ZFP62: variants seen among roughly 807,000 people sequenced by gnomAD.
ZFP62 encodes ZFP62 zinc finger protein.
ZFP62 carries 44 observed loss-of-function variants against 56.4 expected under a neutral mutation model. That is an observed-to-expected ratio of 0.78 (90% CI 0.61 to 1.00). The LOEUF (loss-of-function observed/expected upper bound fraction) is 1.00. Ranked by LOEUF, ZFP62 falls within the 50% of genes least tolerant of loss-of-function variation. The pLI, the probability that ZFP62 is intolerant of heterozygous loss-of-function variation, is 0.00. For missense variants in ZFP62, 1,030 were observed against 1,085.7 expected, an observed-to-expected ratio of 0.95 and a Z score of 0.72; for synonymous variants, 421 against 388.9, an observed-to-expected ratio of 1.08 and a Z score of -0.97.
At chr5:180,844,788 C>T (rs905330705), downstream of ZFP62, among the ~76,000 whole-genome samples, 5 of 152,168 alleles carry the variant, frequency 3.3e-5, no homozygotes, top group Non-Finnish European at 7.4e-5. Context: ...TGTTTCTTCT[C>T]AAGTTTTGTC....
Position 180,849,501 on chromosome 5 carries a change from C to A in ZFP62, c.1994G>T (p.Arg665Ile). The change falls in exon 2 of 2, where the codon AGA becomes ATA. Residue 665 changes from arginine to isoleucine, a missense_variant. Transcript: ENST00000502412. ...RNNSSLKVHK[R>I]IHTGERPYEC... ...ATAGGGCCTCTCCCCAGTATGGATT[C>A]TTTTATGAACTTTAAGGCTTGAGTT... 6.4e-7 allele frequency: 1 copy of A among 1,552,160 alleles called. No homozygotes were observed. Among genetic ancestry groups the A allele is most frequent in the East Asian group, 2.4e-5 (1 of 40,914 alleles).
At chr5:180,853,386 C>T (rs942669593) in intron 1 of ZFP62, among the ~76,000 whole-genome samples, 2 of 152,152 alleles carry the variant, frequency 1.3e-5, no homozygotes, top group African/African-American at 4.8e-5. Flanking sequence ...CTCTTTATAG[C>T]AACGATAAAC....
intron 1 of ZFP62, 85 bp from the exon 2 acceptor site, chr5:180,851,578 C>T: frequency 7.2e-7 from 1 of 1,384,972 alleles, no homozygotes; most frequent in Non-Finnish European, 9.6e-7. Flanking sequence ...ACAACATTCA[C>T]TTGACAAACA....
the ZFP62 span, among the ~76,000 whole-genome samples, chr5:180,840,985 A>AGGTTTT: frequency 6.6e-6 from 1 of 152,108 alleles, no homozygotes; most frequent in Admixed American, 6.5e-5. Flanking sequence ...GAACTCCATG[A>AGGTTTT]TTTGTGCTGA....
downstream of ZFP62, chr5:180,845,725 A>G: frequency 1.0e-5 from 10 of 985,432 alleles, no homozygotes; most frequent in Non-Finnish European, 1.1e-5. Flanking sequence ...TGATGCAGAC[A>G]GACTTCAGGT....
the ZFP62 span, among the ~76,000 whole-genome samples, chr5:180,839,998 C>CA: frequency 6.6e-6 from 1 of 152,000 alleles, no homozygotes; most frequent in Admixed American, 6.5e-5. Context: ...CCCTTTCCAC[C>CA]AGCCCCCAGC....
chr5:180,851,465 A>T lies in ZFP62; in HGVS notation c.30T>A (p.Asp10Glu). 6.5e-7 allele frequency: 1 copy of T among 1,549,830 alleles called. No homozygotes were observed. Among genetic ancestry groups the T allele is most frequent in the South Asian group, 1.2e-5 (1 of 83,926 alleles). Residue 10 changes from aspartate to glutamate, a missense_variant, in exon 2 of 2, where the codon GAT becomes GAA. Coordinates refer to ENST00000502412, the MANE Select transcript of ZFP62 (RefSeq NM_001172638.2). ...TTTCATATTCTTCAGTTGGTTCCTC[A>T]TCCTCAGTGCTCGTCTTCAAATGTG... MSHLKTSTE[D>E]EEPTEEYENV...
chr5:180,854,231 G>A (rs575794227), intron 1 of ZFP62, among the ~76,000 whole-genome samples: 3 of 152,188 alleles, frequency 2.0e-5, no homozygotes, highest in African/African-American at 7.2e-5. Flanking sequence ...AGTAAAGAGA[G>A]GCTCAAAAAA....
chr5:180,854,015 A>G (rs1207496770), intron 1 of ZFP62, among the ~76,000 whole-genome samples: 1 of 152,196 alleles, frequency 6.6e-6, no homozygotes. Context: ...GTATGCATAT[A>G]TTTGCATATA....
At chr5:180,845,551 G>C (rs1005913221), downstream of ZFP62, among the ~76,000 whole-genome samples, 1 of 152,104 alleles carries the variant, frequency 6.6e-6, no homozygotes, top group Non-Finnish European at 1.5e-5. Context: ...AGAACCGCCA[G>C]GTCTAAATGA....
chr5:180,849,450 T>C lies in ZFP62; in HGVS notation c.2045A>G (p.Tyr682Cys), dbSNP rs1341182265. 6.4e-7 allele frequency: 1 copy of C among 1,551,976 alleles called. No individual in the cohort carries two copies. Among genetic ancestry groups the C allele is most frequent in the Admixed American group, 2.0e-5 (1 of 51,000 alleles). The change falls in exon 2 of 2, where the codon TAC becomes TGC. Residue 682 changes from tyrosine to cysteine, a missense_variant. Physicochemically the swap from Tyr to Cys is radical, Grantham distance 194. Coordinates refer to ENST00000502412, the MANE Select transcript of ZFP62 (RefSeq NM_001172638.2). The part of the protein sequence containing the change: ...PYECDVCGKA[Y>C]ISHSSLINHK... ...GTTAATAAGGCTTGAGTGTGAGATGTAGGCTTTTCCACACACATCACATTC... is the reference window on the plus strand; with the variant it reads ...GTTAATAAGGCTTGAGTGTGAGATGCAGGCTTTTCCACACACATCACATTC...
the ZFP62 span, among the ~76,000 whole-genome samples, chr5:180,841,308 T>C: frequency 3.9e-3 from 377 of 95,680 alleles, 2 homozygotes; most frequent in African/African-American, 0.014. Context: ...CACATATATA[T>C]ATACATACAC....
chr5:180,840,800 TGTG>T, the ZFP62 span, among the ~76,000 whole-genome samples: 1 of 149,794 alleles, frequency 6.7e-6, no homozygotes, highest in Non-Finnish European at 1.5e-5. Flanking sequence ...TGTGTGTGTG[TGTG>T]TGTGTGTGTG....
chr5:180,844,852 C>G (rs1773378593), downstream of ZFP62, among the ~76,000 whole-genome samples: 1 of 152,122 alleles, frequency 6.6e-6, no homozygotes, highest in Non-Finnish European at 1.5e-5. Flanking sequence ...AAGAGTTGTC[C>G]TCCACTGCCC....
chr5:180,835,407 C>T, the ZFP62 span: 31,956 of 152,114 alleles, frequency 0.21, 4,710 homozygotes, highest in African/African-American at 0.42. Flanking sequence ...CACCATGTGC[C>T]TCCTTGTTTC....
chr5:180,852,032 G>A, intron 1 of ZFP62: 2 of 986,220 alleles, frequency 2.0e-6, no homozygotes, highest in South Asian at 4.7e-5. Context: ...CATGAAGACA[G>A]TTACTGCAGA....
At chr5:180,845,837 A>C (rs1773399913), downstream of ZFP62, 4 of 985,338 alleles carry the variant, frequency 4.1e-6, no homozygotes, top group South Asian at 1.4e-4. Flanking sequence ...GCATTGCAGG[A>C]TTGGTGTTCA....
chr5:180,850,823 GTTC>G lies in ZFP62; in HGVS notation c.669_671del (p.Lys223del). On this transcript the variant is annotated inframe_deletion, in exon 2 of 2. Transcript: ENST00000502412. ...ATTTTCCACATTCATCACATTTACA[GTTC>G]TTCTCCCCAGAATGGGTGCTTTTGT... The G allele has an allele frequency of 4.5e-6, 7 of 1,568,546 alleles. No individual in the cohort carries two copies. The highest frequency in any genetic ancestry group is 5.2e-6 in the Non-Finnish European group (6 of 1,156,748).
chr5:180,841,167 T>C, the ZFP62 span, among the ~76,000 whole-genome samples: 1 of 152,028 alleles, frequency 6.6e-6, no homozygotes, highest in African/African-American at 2.4e-5. Context: ...AGATATTGTT[T>C]TGTGGAAAGA....
Sources: gnomAD v4.1 joint callset for allele counts (sites outside exome capture counted in the v4.1 genomes callset) on GRCh38, gnomAD v4.1.1 for gene constraint, MANE v1.5 for transcripts, NCBI Gene and HGNC (gene_info 2026-07-23, HGNC 2026-07-21) for gene names.